The following ACACA variants were observed in gnomAD, a reference collection of about 807,000 sequenced individuals.
ACACA encodes the protein acetyl-CoA carboxylase alpha, also known as acetyl-CoA carboxylase 1.
Under a neutral mutation model 296.1 loss-of-function variants are expected in ACACA, and 103 were observed. The observed-to-expected ratio is 0.35, with a 90% CI of 0.30 to 0.41. The LOEUF is 0.41. ACACA is among the 10% of genes least tolerant of loss of function. The pLI, the probability that ACACA is intolerant of heterozygous loss-of-function variation, is 1.00. For missense variants in ACACA, 1,554 were observed against 2,989.7 expected (o/e 0.52, Z 11.20); for synonymous variants, 953 against 1,038.6 (o/e 0.92, Z 1.58).
At chr17:37,119,292 G>A (rs1216394489) in intron 50 of ACACA, among the ~76,000 whole-genome samples, 1 of 151,834 alleles carries the variant, frequency 6.6e-6, no homozygotes, top group Non-Finnish European at 1.5e-5. Flanking sequence ...TCTTGTCTCT[G>A]TGAAGCAATG....
intron 1 of ACACA, among the ~76,000 whole-genome samples, chr17:37,340,738 G>C (rs2048341070): frequency 6.6e-6 from 1 of 152,160 alleles, no homozygotes; most frequent in Non-Finnish European, 1.5e-5. Flanking sequence ...GAAGAGGAAG[G>C]AAAAAGTTTG....
At chr17:37,221,574 C>T (rs2079292268) in intron 29 of ACACA, 150 bp downstream of exon 29, 6 of 750,908 alleles carry the variant, frequency 8.0e-6, no homozygotes, top group Non-Finnish European at 1.4e-5. Context: ...GAAGTGGGCA[C>T]CAAAAGGCTC....
chr17:37,251,967 TTGATTAGTTTG>T (rs1391594001), intron 16 of ACACA, 27 bp downstream of exon 16: 1 of 1,565,134 alleles, frequency 6.4e-7, no homozygotes, highest in Non-Finnish European at 8.8e-7. Flanking sequence ...CTCAGGACCA[TTGATTAGTTTG>T]TGTAGCCTAC....
intron 25 of ACACA, among the ~76,000 whole-genome samples, chr17:37,230,214 G>A (rs1200036911): frequency 1.3e-5 from 2 of 151,520 alleles, no homozygotes; most frequent in African/African-American, 2.4e-5. Flanking sequence ...GAGAAACCCC[G>A]TCTCTACTAA....
chr17:37,242,138 A>G lies in ACACA; in HGVS notation c.2932-85T>C, dbSNP rs1184198302. On this transcript the variant is annotated intron_variant, in intron 22 of 55. Coordinates refer to ENST00000616317, the MANE Select transcript of ACACA (RefSeq NM_198834.3). The stretch of plus-strand genomic sequence containing the variant: ...AGCCTCTATAGCACGACCAGTAGGA[A>G]TCTTCTTCTTATAACATGGCAGTTC... 7 of 1,028,196 alleles carry G rather than the reference A, an allele frequency of 6.8e-6. No individual in the cohort carries two copies. The East Asian group carries it at 1.7e-4, about 25-fold the overall frequency. 63.7% of individuals were successfully genotyped at this position (1,028,196 alleles called of 1,614,324 possible).
At chr17:37,382,065 T>C (rs1171467627) in intron 1 of ACACA, among the ~76,000 whole-genome samples, 2 of 152,176 alleles carry the variant, frequency 1.3e-5, no homozygotes, top group African/African-American at 4.8e-5. Flanking sequence ...TAAATTCTTT[T>C]CCCCTCTTTC....
intron 42 of ACACA, 155 bp downstream of exon 42, chr17:37,161,626 G>T (rs759713195): frequency 1.2e-6 from 1 of 833,216 alleles, no homozygotes; most frequent in Non-Finnish European, 1.8e-6. Flanking sequence ...CTTTAATATG[G>T]TGTCTTAAGG....
intron 45 of ACACA, among the ~76,000 whole-genome samples, chr17:37,149,576 T>C (rs186746382): frequency 1.3e-5 from 2 of 152,334 alleles, no homozygotes; most frequent in African/African-American, 4.8e-5. Flanking sequence ...ATAAGCACTT[T>C]AGAGCAGCGG....
At chr17:37,370,639 A>C (rs2147673212) in intron 1 of ACACA, among the ~76,000 whole-genome samples, 1 of 151,798 alleles carries the variant, frequency 6.6e-6, no homozygotes, top group Admixed American at 6.6e-5. Flanking sequence ...CCTGGGTGAC[A>C]GAGCTAGACT....
chr17:37,167,476 G>A (rs947381615), intron 41 of ACACA, among the ~76,000 whole-genome samples: 3 of 149,860 alleles, frequency 2.0e-5, no homozygotes, highest in South Asian at 2.1e-4. Flanking sequence ...GTAACACCAC[G>A]CCCGGCTAAT....
At chr17:37,242,762 G>A (rs1484548930) in intron 22 of ACACA, among the ~76,000 whole-genome samples, 2 of 150,486 alleles carry the variant, frequency 1.3e-5, no homozygotes, top group Non-Finnish European at 3.0e-5. Flanking sequence ...TAAACAGCTG[G>A]GCACGGTGGC....
At chr17:37,190,638 G>A (rs916897603) in intron 38 of ACACA, among the ~76,000 whole-genome samples, 12 of 152,104 alleles carry the variant, frequency 7.9e-5, no homozygotes, top group Non-Finnish European at 8.8e-5. Flanking sequence ...TCTCCCTGTG[G>A]AAAAACACTA....
intron 24 of ACACA, among the ~76,000 whole-genome samples, chr17:37,236,652 C>A (rs529277598): frequency 6.6e-6 from 1 of 151,972 alleles, no homozygotes; most frequent in African/African-American, 2.4e-5. Context: ...GGGTGAAACC[C>A]CATCTCTACT....
At chr17:37,327,784 C>T (rs573337143) in intron 3 of ACACA, among the ~76,000 whole-genome samples, 7 of 152,326 alleles carry the variant, frequency 4.6e-5, no homozygotes, top group South Asian at 2.1e-4. Flanking sequence ...AGGGGCACTA[C>T]GACATTTTGA....
At chr17:37,206,453 C>A (rs538474922) in intron 32 of ACACA, among the ~76,000 whole-genome samples, 1 of 152,182 alleles carries the variant, frequency 6.6e-6, no homozygotes, top group Admixed American at 6.5e-5. Context: ...CACCACTATG[C>A]AAAAATATAA....
chr17:37,291,691 T>G (rs2083075219), intron 3 of ACACA, among the ~76,000 whole-genome samples: 1 of 152,130 alleles, frequency 6.6e-6, no homozygotes, highest in South Asian at 2.1e-4. Flanking sequence ...CTTCCAATGT[T>G]TACATATAAG....
chr17:37,105,415 T>C (rs542226632), intron 52 of ACACA, among the ~76,000 whole-genome samples: 4 of 152,254 alleles, frequency 2.6e-5, no homozygotes, highest in African/African-American at 9.6e-5. Context: ...AGGCAGAGGT[T>C]GCAGTGAGCC....
intron 25 of ACACA, among the ~76,000 whole-genome samples, chr17:37,234,250 T>C (rs915255589): frequency 7.2e-5 from 11 of 152,166 alleles, no homozygotes; most frequent in Non-Finnish European, 1.2e-4. Context: ...GTAGTCCTAC[T>C]GTACTAATTC....
At chr17:37,262,225 G>A (rs1173863749) in intron 11 of ACACA, among the ~76,000 whole-genome samples, 2 of 152,100 alleles carry the variant, frequency 1.3e-5, no homozygotes, top group Non-Finnish European at 2.9e-5. Context: ...TGAGCACATG[G>A]TCACCCAGTT....
Sources: allele counts gnomAD v4.1 joint callset (sites outside exome capture counted in the v4.1 genomes callset), GRCh38; gene constraint gnomAD v4.1.1; transcripts MANE v1.5; gene names NCBI Gene and HGNC (gene_info 2026-07-23, HGNC 2026-07-21).